WDPCP: variants seen among roughly 807,000 people sequenced by gnomAD.
WDPCP encodes the protein WD repeat-containing and planar cell polarity effector protein fritz homolog.
WDPCP carries 71 observed loss-of-function variants against 93.1 expected under a neutral mutation model. The ratio of observed to expected loss-of-function variants is 0.76; its 90% CI spans 0.63 to 0.93. The LOEUF is 0.93. Ranked by LOEUF, WDPCP falls within the 40% of genes least tolerant of loss-of-function variation. WDPCP has a pLI of 0.00. For synonymous variants in WDPCP, 315 were observed against 315.0 expected, an observed-to-expected ratio of 1.00 and a Z score of 0.00; for missense variants, 844 against 887.4, an observed-to-expected ratio of 0.95 and a Z score of 0.62.
chr2:63,124,895 T>C (rs1270216530), intron 17 of WDPCP, among the ~76,000 whole-genome samples: 1 of 152,134 alleles, frequency 6.6e-6, no homozygotes, highest in Non-Finnish European at 1.5e-5. Context: ...CTATAGTTTT[T>C]TAATGTACTA....
At chr2:63,250,836 C>CTATT (rs1680650175) in intron 14 of WDPCP, among the ~76,000 whole-genome samples, 1 of 152,092 alleles carries the variant, frequency 6.6e-6, no homozygotes, top group Admixed American at 6.5e-5. Context: ...TTTTATGGCA[C>CTATT]TATTATATTA....
chr2:63,721,918 A>G (rs1269773222), intron 2 of WDPCP, among the ~76,000 whole-genome samples: 1 of 151,876 alleles, frequency 6.6e-6, no homozygotes, highest in Non-Finnish European at 1.5e-5. Flanking sequence ...TTTGGTGGAG[A>G]TGGGGTTTCG....
intron 9 of WDPCP, among the ~76,000 whole-genome samples, chr2:63,411,921 C>G (rs958287469): frequency 6.6e-6 from 1 of 152,000 alleles, no homozygotes; most frequent in Non-Finnish European, 1.5e-5. Flanking sequence ...CAGGATCAGA[C>G]GGATTCACAG....
chr2:63,514,207 C>G (rs1391046090), intron 1 of WDPCP, among the ~76,000 whole-genome samples: 1 of 152,084 alleles, frequency 6.6e-6, no homozygotes, highest in African/African-American at 2.4e-5. Flanking sequence ...AGTAATGAGC[C>G]TTGTAGAACT....
intron 3 of WDPCP, among the ~76,000 whole-genome samples, chr2:63,623,462 G>C (rs1239227421): frequency 6.6e-6 from 1 of 151,626 alleles, no homozygotes. Flanking sequence ...ACACATACAG[G>C]CTCAAAATAA....
At chr2:63,647,616 G>T (rs1281859760) in intron 3 of WDPCP, among the ~76,000 whole-genome samples, 1 of 152,194 alleles carries the variant, frequency 6.6e-6, no homozygotes. Flanking sequence ...TCCAGAGTGG[G>T]TGAGAGTGAA....
intron 13 of WDPCP, among the ~76,000 whole-genome samples, chr2:63,302,805 T>C (rs749725682): frequency 6.6e-6 from 1 of 152,214 alleles, no homozygotes; most frequent in Non-Finnish European, 1.5e-5. Context: ...CAGGACCCCA[T>C]ACGACTGCTG....
chr2:63,222,891 T>C (rs1370125509), intron 14 of WDPCP, among the ~76,000 whole-genome samples: 3 of 152,150 alleles, frequency 2.0e-5, no homozygotes, highest in African/African-American at 7.2e-5. Context: ...TCATTATGAG[T>C]TCGATTTGAG....
At chr2:63,290,648 C>G (rs1684346846) in intron 13 of WDPCP, among the ~76,000 whole-genome samples, 1 of 152,044 alleles carries the variant, frequency 6.6e-6, no homozygotes, top group Admixed American at 6.6e-5. Context: ...ATCTTTATTT[C>G]ACCCTCACTT....
chr2:63,588,361 A>C lies in WDPCP; in HGVS notation c.-90T>G. 6.8e-7 allele frequency: 1 copy of C among 1,459,934 alleles called. No homozygotes were observed. The highest frequency in any genetic ancestry group is 9.4e-7 in the Non-Finnish European group (1 of 1,064,916). The allele number at this position is 1,459,934 out of a possible 1,614,324, so 90.4% of individuals were successfully genotyped here. A position where few individuals can be genotyped will look rare whatever the true frequency, so the allele number is the denominator to read the frequency against. The stretch of plus-strand genomic sequence containing the variant: ...CGCTCGCTTGGTCTCTTGGGTCTCC[A>C]GGACGCCGCCGCCGCCGCCACAGTT... On this transcript the variant is annotated 5_prime_UTR_variant, in exon 1 of 18. Coordinates refer to ENST00000272321, the MANE Select transcript of WDPCP (RefSeq NM_015910.7).
chr2:63,340,008 C>CCTTTGGG (rs1242783960), intron 12 of WDPCP, among the ~76,000 whole-genome samples: 1 of 152,086 alleles, frequency 6.6e-6, no homozygotes, highest in Non-Finnish European at 1.5e-5. Flanking sequence ...TAGCGTCAGT[C>CCTTTGGG]ACTGGATTTT....
At chr2:63,811,595 CT>C (rs34856738) in intron 2 of WDPCP, among the ~76,000 whole-genome samples, 265 of 135,866 alleles carry the variant, frequency 2.0e-3, no homozygotes, top group Middle Eastern at 7.8e-3. Context: ...CCTGTCCACA[CT>C]TTTTTTTTTT....
intron 2 of WDPCP, among the ~76,000 whole-genome samples, chr2:63,781,766 C>T (rs989877321): frequency 9.2e-5 from 14 of 151,960 alleles, no homozygotes; most frequent in Non-Finnish European, 1.8e-4. Context: ...AGCGTGTCCC[C>T]GAAATGAATT....
At chr2:63,477,024 A>G (rs1700011793) in intron 6 of WDPCP, among the ~76,000 whole-genome samples, 1 of 152,208 alleles carries the variant, frequency 6.6e-6, no homozygotes, top group African/African-American at 2.4e-5. Flanking sequence ...AGCTGACTAT[A>G]TTATATACTT....
At chr2:63,306,679 T>C (rs562365393) in intron 13 of WDPCP, among the ~76,000 whole-genome samples, 1 of 152,230 alleles carries the variant, frequency 6.6e-6, no homozygotes, top group African/African-American at 2.4e-5. Flanking sequence ...AGGCCTTCCA[T>C]AAAATTCAAC....
intron 9 of WDPCP, among the ~76,000 whole-genome samples, chr2:63,425,767 G>A (rs1405176624): frequency 6.6e-6 from 1 of 152,074 alleles, no homozygotes; most frequent in East Asian, 1.9e-4. Flanking sequence ...TTTCTCAGAG[G>A]GAAGAAGAGA....
At chr2:63,785,547 T>C (rs1558910122) in intron 2 of WDPCP, among the ~76,000 whole-genome samples, 1 of 152,184 alleles carries the variant, frequency 6.6e-6, no homozygotes, top group Non-Finnish European at 1.5e-5. Flanking sequence ...GATAATTTTT[T>C]CCCTAGAGGG....
intron 2 of WDPCP, among the ~76,000 whole-genome samples, chr2:63,727,345 C>T (rs1034214561): frequency 6.6e-6 from 1 of 152,132 alleles, no homozygotes; most frequent in Non-Finnish European, 1.5e-5. Context: ...TATTGAATCA[C>T]ATTTAGTGAT....
In WDPCP at chr2:63,800,380, A is replaced by G. The variant is rs536321908; in HGVS notation, n.308+13242T>C. On this transcript the variant is annotated intron_variant and non_coding_transcript_variant, in intron 2 of 4. Coordinates refer to the WDPCP transcript ENST00000467687. ...CTTCAGACCTGTCTCTCCTATTATG[A>G]TGTCACATAAGAAAAGTGATTGTAA... Among the ~76,000 whole-genome samples, 96 of 152,318 alleles carry G rather than the reference A, an allele frequency of 6.3e-4. 1 individual carries two copies. Among genetic ancestry groups the G allele is most frequent in the African/African-American group, 2.2e-3 (93 of 41,554 alleles).
Sources: allele counts gnomAD v4.1 joint callset (sites outside exome capture counted in the v4.1 genomes callset), GRCh38; gene constraint gnomAD v4.1.1; transcripts MANE v1.5; gene names NCBI Gene and HGNC (gene_info 2026-07-23, HGNC 2026-07-21).